The following LYSMD2 variants were observed in gnomAD, a reference collection of about 807,000 sequenced individuals.
LYSMD2 encodes the protein LysM domain containing 2.
In LYSMD2, 6 loss-of-function variants were observed where a neutral mutation model predicts 17.7. That is an observed-to-expected ratio of 0.34 (90% CI 0.19 to 0.67). The LOEUF (loss-of-function observed/expected upper bound fraction) is 0.67, where lower values mean the gene tolerates loss of function less well. LYSMD2 is among the 30% of genes least tolerant of loss of function. The probability of loss-of-function intolerance (pLI) is 0.69; values close to 1 mark genes in which losing one functional copy is unlikely to be tolerated. For missense variants in LYSMD2, 237 were observed against 286.7 expected, an observed-to-expected ratio of 0.83 and a Z score of 1.25; for synonymous variants, 102 against 129.8, an observed-to-expected ratio of 0.79 and a Z score of 1.45.
At chr15:51,749,928 T>C (rs1158109692) in intron 1 of LYSMD2, among the ~76,000 whole-genome samples, 1 of 152,230 alleles carries the variant, frequency 6.6e-6, no homozygotes, top group African/African-American at 2.4e-5. Context: ...GCCCAAGATA[T>C]AGTCCATTAC....
At chr15:51,751,127 C>G (rs2055698000) in intron 1 of LYSMD2, 1 of 600,952 alleles carries the variant, frequency 1.7e-6, no homozygotes, top group African/African-American at 1.8e-5. Flanking sequence ...CGCTTGGGCT[C>G]TCCAGCCCCT....
upstream of LYSMD2, among the ~76,000 whole-genome samples, chr15:51,740,087 T>C (rs1041270499): frequency 2.0e-5 from 3 of 152,096 alleles, no homozygotes; most frequent in African/African-American, 7.2e-5. Flanking sequence ...GCCTCCTGAG[T>C]AGCTGGGACT....
chr15:51,745,176 C>T (rs2055661344), intron 1 of LYSMD2, among the ~76,000 whole-genome samples: 1 of 152,002 alleles, frequency 6.6e-6, no homozygotes, highest in African/African-American at 2.4e-5. Flanking sequence ...GTGATTTATA[C>T]CAAACATTTA....
intron 1 of LYSMD2, among the ~76,000 whole-genome samples, chr15:51,748,120 A>T (rs1193499046): frequency 6.6e-6 from 1 of 152,040 alleles, no homozygotes; most frequent in Non-Finnish European, 1.5e-5. Flanking sequence ...AAATACAAAG[A>T]ATTAGGCGGG....
At chr15:51,742,780 A>T (rs550468258) in intron 1 of LYSMD2, among the ~76,000 whole-genome samples, 15 of 152,150 alleles carry the variant, frequency 9.9e-5, no homozygotes, top group African/African-American at 3.6e-4. Flanking sequence ...CAAAATAGTC[A>T]TATTTTTTGG....
chr15:51,730,460 T>C (rs1204599108), intron 1 of LYSMD2, among the ~76,000 whole-genome samples: 1 of 152,222 alleles, frequency 6.6e-6, no homozygotes, highest in African/African-American at 2.4e-5. Flanking sequence ...AGGCTGTAGT[T>C]AGCCAAGATC....
chr15:51,741,486 A>C (rs1476490459), upstream of LYSMD2, among the ~76,000 whole-genome samples: 1 of 152,256 alleles, frequency 6.6e-6, no homozygotes, highest in Non-Finnish European at 1.5e-5. Context: ...CACACATCAC[A>C]TAATTCATCC....
chr15:51,738,520 C>T (rs140880409), upstream of LYSMD2, among the ~76,000 whole-genome samples: 47 of 152,248 alleles, frequency 3.1e-4, no homozygotes, highest in African/African-American at 1.1e-3. Context: ...CCACCAAAGA[C>T]CTCTTATCTG....
intron 1 of LYSMD2, among the ~76,000 whole-genome samples, chr15:51,742,887 A>G (rs1256863115): frequency 2.0e-5 from 3 of 152,210 alleles, no homozygotes; most frequent in Non-Finnish European, 2.9e-5. Context: ...ACTTGAGACC[A>G]GGAGTTCGAG....
At chr15:51,726,969 T>C (rs1357230188) in intron 1 of LYSMD2, among the ~76,000 whole-genome samples, 1 of 152,170 alleles carries the variant, frequency 6.6e-6, no homozygotes, top group South Asian at 2.1e-4. Context: ...ACACTATTAA[T>C]TCTTTGAGGG....
chr15:51,751,181 C>T, intron 1 of LYSMD2: 1 of 682,834 alleles, frequency 1.5e-6, no homozygotes, highest in Non-Finnish European at 2.7e-6. Context: ...CCTCGCTTAC[C>T]TCCTTCCCTC....
At chr15:51,740,256 G>C (rs977910704), upstream of LYSMD2, among the ~76,000 whole-genome samples, 1 of 152,236 alleles carries the variant, frequency 6.6e-6, no homozygotes. Context: ...ACCACGCCTG[G>C]CCAGGCCTGT....
chr15:51,748,190 A>G (rs1173598724), intron 1 of LYSMD2, among the ~76,000 whole-genome samples: 1 of 148,268 alleles, frequency 6.7e-6, no homozygotes, highest in Non-Finnish European at 1.5e-5. Context: ...GAATCGCTTG[A>G]ACCCAGAGGT....
chr15:51,735,908 A>G (rs2055605946), intron 1 of LYSMD2, among the ~76,000 whole-genome samples: 1 of 152,234 alleles, frequency 6.6e-6, no homozygotes. Flanking sequence ...CCTGAAAACC[A>G]GATAGAAAAG....
chr15:51,731,851 A>AG (rs1387296141), intron 1 of LYSMD2, among the ~76,000 whole-genome samples: 8 of 152,138 alleles, frequency 5.3e-5, no homozygotes, highest in African/African-American at 1.9e-4. Flanking sequence ...AAAAAGCAAT[A>AG]GCTAAATCTA....
intron 1 of LYSMD2, among the ~76,000 whole-genome samples, chr15:51,730,328 T>A (rs907673951): frequency 6.6e-6 from 1 of 152,162 alleles, no homozygotes; most frequent in African/African-American, 2.4e-5. Context: ...GGTAACATGA[T>A]GAAACTCCAT....
Position 51,724,866 on chromosome 15 carries a change from T to C in LYSMD2, c.529A>G (p.Arg177Gly), listed in dbSNP as rs1389271729. The C allele has an allele frequency of 6.2e-7, 1 of 1,614,116 alleles. No individual in the cohort carries two copies. The highest frequency in any genetic ancestry group is 1.7e-5 in the Admixed American group (1 of 60,008). The part of the protein sequence containing the change: ...QPVQPEEVSA[R>G]DFLQRLDLQI... The stretch of plus-strand genomic sequence containing the variant: ...AAGTCAAGTCTCTGCAGGAAATCTC[T>C]GGCTGACACTTCCTCAGGCTGCACA... Residue 177 changes from arginine (R) to glycine (G), a missense_variant, in exon 2 of 3, where the codon AGA (arginine) becomes GGA (glycine). Transcript: ENST00000267838.
chr15:51,737,500 C>T lies in LYSMD2; in HGVS notation c.123G>A (p.Ser41=). ...GGGTCTTGGTGCGGGCCAGGCTCAG[C>T]GACAGCTCGGCCTCCTCGGACTCGG... ...SGSESEEAEL[S]LSLARTKTRS... is the part of the protein sequence containing the mutation. The change falls in exon 1 of 3, where the codon TCG becomes TCA. Residue 41 remains serine, a synonymous_variant. Coordinates refer to ENST00000267838, the MANE Select transcript of LYSMD2 (RefSeq NM_153374.3). The surrounding 1 kb of genome is among the most constrained non-coding windows in gnomAD (Gnocchi z 4.2). 1 of 1,330,768 alleles carries T rather than the reference C, an allele frequency of 7.5e-7. No homozygotes were observed. 82.4% of individuals were successfully genotyped at this position (1,330,768 alleles called of 1,614,324 possible). A position where few individuals can be genotyped will look rare whatever the true frequency, so the allele number is the denominator to read the frequency against.
At chr15:51,731,017 T>C (rs1031067796) in intron 1 of LYSMD2, among the ~76,000 whole-genome samples, 1 of 152,160 alleles carries the variant, frequency 6.6e-6, no homozygotes, top group African/African-American at 2.4e-5. Flanking sequence ...TTATGGCAAA[T>C]GTCCAAAAAA....
Sources: gnomAD v4.1 joint callset for allele counts (sites outside exome capture counted in the v4.1 genomes callset) on GRCh38, gnomAD v4.1.1 for gene constraint, Gnocchi (gnomAD v3.1) non-coding constraint, MANE v1.5 for transcripts, NCBI Gene and HGNC (gene_info 2026-07-23, HGNC 2026-07-21) for gene names.